GLIS3: variants seen among roughly 807,000 people sequenced by gnomAD.
The protein encoded by GLIS3 is GLIS family zinc finger 3, also known as zinc finger protein GLIS3.
A neutral mutation model predicts 78.6 loss-of-function variants in GLIS3; 53 were observed. The ratio of observed to expected loss-of-function variants is 0.67; its 90% confidence interval spans 0.54 to 0.85. GLIS3 has a LOEUF of 0.85. GLIS3 is among the 40% of genes least tolerant of loss of function. GLIS3 has a pLI of 0.00. For synonymous variants in GLIS3, 684 were observed against 509.9 expected (o/e 1.34, Z -4.60); for missense variants, 1,703 against 1,231.1 (o/e 1.38, Z -5.74).
At chr9:4,138,152 T>G (rs973666736) in intron 2 of GLIS3, among the ~76,000 whole-genome samples, 1 of 152,206 alleles carries the variant, frequency 6.6e-6, no homozygotes, top group Non-Finnish European at 1.5e-5. Flanking sequence ...GGTGGACACA[T>G]CTGTGAAAAT....
chr9:4,069,610 T>C (rs1490003823), intron 4 of GLIS3, among the ~76,000 whole-genome samples: 1 of 152,146 alleles, frequency 6.6e-6, no homozygotes, highest in Admixed American at 6.6e-5. Context: ...AAACAGTTTC[T>C]TTTTTTCAAC....
At chr9:4,203,623 C>T (rs1819598984) in intron 2 of GLIS3, among the ~76,000 whole-genome samples, 1 of 152,168 alleles carries the variant, frequency 6.6e-6, no homozygotes, top group African/African-American at 2.4e-5. Context: ...CAAAAGAAAA[C>T]AAATTTTTCA....
At chr9:4,263,258 G>C (rs1365898335) in intron 2 of GLIS3, among the ~76,000 whole-genome samples, 1 of 152,202 alleles carries the variant, frequency 6.6e-6, no homozygotes, top group Non-Finnish European at 1.5e-5. Flanking sequence ...GAGAGGACAG[G>C]TGATTCTGTG....
intron 2 of GLIS3, among the ~76,000 whole-genome samples, chr9:4,173,541 T>C (rs1006912863): frequency 2.7e-5 from 4 of 148,376 alleles, no homozygotes; most frequent in African/African-American, 7.5e-5. Context: ...ATATATAATA[T>C]GTATATGTGT....
chr9:4,160,119 A>G (rs1275063867), intron 2 of GLIS3, among the ~76,000 whole-genome samples: 1 of 152,060 alleles, frequency 6.6e-6, no homozygotes, highest in Non-Finnish European at 1.5e-5. Context: ...AATACTTTCC[A>G]CTCCACAAAA....
At chr9:4,094,012 T>C (rs557653023) in intron 4 of GLIS3, among the ~76,000 whole-genome samples, 8 of 152,346 alleles carry the variant, frequency 5.3e-5, no homozygotes, top group Non-Finnish European at 7.3e-5. Context: ...ATCATCCTCG[T>C]TGAATTCAGT....
the GLIS3 span, among the ~76,000 whole-genome samples, chr9:4,418,158 C>T: frequency 6.6e-6 from 1 of 152,210 alleles, no homozygotes; most frequent in Non-Finnish European, 1.5e-5. Context: ...CATGAGCCAT[C>T]CTGAACAAAT....
Position 4,118,719 on chromosome 9 carries a change from G to C in GLIS3, c.759C>G (p.Ser253Arg), listed in dbSNP as rs368375343. The stretch of plus-strand genomic sequence containing the variant: ...TGGACATGGATGTCCCGGGAGGAAG[G>C]CTAAGGAGATCCCCTAGATCAAGGC... ...QNGLDLGDLL[S>R]LPPGTSMSSN... is the part of the protein sequence containing the mutation. Residue 253 changes from serine (S) to arginine (R), a missense_variant, in exon 4 of 11, where the codon AGC (serine) becomes AGG (arginine). By Grantham distance (110) the Ser-to-Arg change is moderately radical. Transcript: ENST00000381971. This position sits in a 1 kb window ranked among gnomAD's most constrained non-coding sequence, Gnocchi z 4.7. 3 of 1,614,066 alleles carry C rather than the reference G, an allele frequency of 1.9e-6. No homozygotes were observed. The highest frequency in any genetic ancestry group is 2.5e-6 in the Non-Finnish European group (3 of 1,180,018).
the GLIS3 span, among the ~76,000 whole-genome samples, chr9:4,439,266 G>A: frequency 0.55 from 82,819 of 151,950 alleles, 23,476 homozygotes; most frequent in South Asian, 0.72. Flanking sequence ...TATAATTCAC[G>A]TATCATACAA....
intron 2 of GLIS3, among the ~76,000 whole-genome samples, chr9:4,203,093 T>C (rs1026789503): frequency 6.6e-6 from 1 of 152,124 alleles, no homozygotes; most frequent in African/African-American, 2.4e-5. Flanking sequence ...AGATCTAATA[T>C]CCAGAATCTA....
intron 3 of GLIS3, among the ~76,000 whole-genome samples, chr9:4,122,178 G>C (rs1183399429): frequency 6.6e-6 from 1 of 152,222 alleles, no homozygotes; most frequent in Non-Finnish European, 1.5e-5. Flanking sequence ...AAGAGCATGA[G>C]AGGCATGATG....
At chr9:4,400,209 C>T in the GLIS3 span, among the ~76,000 whole-genome samples, 1 of 152,118 alleles carries the variant, frequency 6.6e-6, no homozygotes, top group Non-Finnish European at 1.5e-5. Context: ...GGAGAAAGAT[C>T]ACTCTTCTGT....
At chr9:4,224,010 A>G (rs1251549518) in intron 2 of GLIS3, among the ~76,000 whole-genome samples, 1 of 152,092 alleles carries the variant, frequency 6.6e-6, no homozygotes, top group Non-Finnish European at 1.5e-5. Context: ...CAGAAAAAAA[A>G]AAACCCCACC....
intron 4 of GLIS3, among the ~76,000 whole-genome samples, chr9:4,087,893 C>A (rs1046506374): frequency 2.6e-5 from 4 of 152,174 alleles, no homozygotes; most frequent in African/African-American, 9.7e-5. Flanking sequence ...TTTATCCATA[C>A]CTTGGTTACC....
intron 2 of GLIS3, among the ~76,000 whole-genome samples, chr9:4,184,012 T>C (rs1286930062): frequency 6.6e-6 from 1 of 152,048 alleles, no homozygotes; most frequent in Non-Finnish European, 1.5e-5. Flanking sequence ...TTTATTTCCA[T>C]AGGAAATCAA....
intron 2 of GLIS3, among the ~76,000 whole-genome samples, chr9:4,191,966 G>T (rs1172626991): frequency 6.6e-6 from 1 of 152,064 alleles, no homozygotes. Flanking sequence ...GAATGGTGAA[G>T]ATTTTTTTTG....
At chr9:4,309,861 G>A (rs1407875391) in intron 3 of GLIS3, among the ~76,000 whole-genome samples, 1 of 152,048 alleles carries the variant, frequency 6.6e-6, no homozygotes, top group Non-Finnish European at 1.5e-5. Context: ...GTAGAACTTT[G>A]TATTAGAGTA....
intron 4 of GLIS3, among the ~76,000 whole-genome samples, chr9:4,048,540 A>G (rs1754784440): frequency 6.6e-6 from 1 of 152,210 alleles, no homozygotes; most frequent in African/African-American, 2.4e-5. Context: ...ACATTATGGT[A>G]TTCAACTGTG....
chr9:4,361,579 G>A, the GLIS3 span, among the ~76,000 whole-genome samples: 7 of 152,118 alleles, frequency 4.6e-5, no homozygotes, highest in African/African-American at 1.7e-4. Context: ...TCTGTTACTC[G>A]CCTGAGATGC....
Sources: allele counts gnomAD v4.1 joint callset (sites outside exome capture counted in the v4.1 genomes callset), GRCh38; gene constraint gnomAD v4.1.1; non-coding constraint Gnocchi (gnomAD v3.1); transcripts MANE v1.5; gene names NCBI Gene and HGNC (gene_info 2026-07-23, HGNC 2026-07-21).